GTPBP1: variants seen among roughly 807,000 people sequenced by gnomAD.
GTPBP1 encodes the protein GTP-binding protein 1.
In GTPBP1, 23 loss-of-function variants were observed where a neutral mutation model predicts 62.0. The ratio of observed to expected loss-of-function variants is 0.37; its 90% CI spans 0.27 to 0.53. The LOEUF is 0.53. Among genes scored for constraint, GTPBP1 ranks in the 20% least tolerant of loss-of-function variants. The pLI is 0.89. For synonymous variants in GTPBP1, 344 were observed against 364.4 expected (o/e 0.94, Z 0.64); for missense variants, 640 against 917.3 (o/e 0.70, Z 3.90).
chr22:38,737,405 A>G (rs138704), downstream of GTPBP1, among the ~76,000 whole-genome samples: 53,734 of 150,814 alleles, frequency 0.36, 10,099 homozygotes, highest in African/African-American at 0.48. The surrounding 1 kb of genome is among the most constrained non-coding windows in gnomAD (Gnocchi z 4.1). Context: ...CCTCTCCCCC[A>G]CCTATCCTGT....
chr22:38,739,478 CT>C (rs2092835897), downstream of GTPBP1: 4 of 1,595,706 alleles, frequency 2.5e-6, no homozygotes, highest in Non-Finnish European at 3.4e-6. The surrounding 1 kb of genome is among the most constrained non-coding windows in gnomAD (Gnocchi z 6.7). Context: ...ACGTGTCCCC[CT>C]GTCACCTCGT....
At chr22:38,742,185 G>T, downstream of GTPBP1, 1 of 1,325,026 alleles carries the variant, frequency 7.5e-7, no homozygotes. Context: ...GGGAGTAACT[G>T]CAAAATGGCA....
chr22:38,735,561 C>T (rs146613660), downstream of GTPBP1: 645 of 230,028 alleles, frequency 2.8e-3, 5 homozygotes, highest in African/African-American at 0.014. Context: ...AAGCAACTAC[C>T]GTCCCCAGCA....
downstream of GTPBP1, chr22:38,739,337 C>T (rs373767572): frequency 6.8e-6 from 11 of 1,612,906 alleles, no homozygotes; most frequent in East Asian, 6.7e-5. The surrounding 1 kb of genome is among the most constrained non-coding windows in gnomAD (Gnocchi z 6.7). Context: ...AAGCAGAGCA[C>T]GTACCTCCTG....
intron 2 of GTPBP1, among the ~76,000 whole-genome samples, chr22:38,714,050 G>A (rs1483211169): frequency 1.3e-5 from 2 of 152,216 alleles, no homozygotes; most frequent in East Asian, 1.9e-4. Context: ...GGGACGGGGT[G>A]GGGAGGCACA....
chr22:38,724,251 A>C (rs747823867), intron 5 of GTPBP1, 46 bp from the exon 6 acceptor site: 1 of 1,150,506 alleles, frequency 8.7e-7, no homozygotes, highest in Admixed American at 1.7e-5. Flanking sequence ...GCCTGGCCAA[A>C]GAGAAGGCTG....
chr22:38,736,213 G>T, downstream of GTPBP1: 1 of 1,505,578 alleles, frequency 6.6e-7, no homozygotes, highest in Non-Finnish European at 9.2e-7. Flanking sequence ...GGGAAGCGGC[G>T]GGGTGCTGTT....
downstream of GTPBP1, chr22:38,739,477 C>A: frequency 6.3e-7 from 1 of 1,593,842 alleles, no homozygotes; most frequent in East Asian, 2.2e-5. The surrounding 1 kb of genome is among the most constrained non-coding windows in gnomAD (Gnocchi z 6.7). Flanking sequence ...GACGTGTCCC[C>A]CTGTCACCTC....
At chr22:38,711,106 C>T (rs1045296643) in intron 2 of GTPBP1, among the ~76,000 whole-genome samples, 11 of 152,190 alleles carry the variant, frequency 7.2e-5, no homozygotes, top group African/African-American at 1.9e-4. Flanking sequence ...CCCAGATACA[C>T]GGCCCCAAGG....
chr22:38,716,442 C>G lies in GTPBP1; in HGVS notation c.486-210C>G, dbSNP rs1450120814. ...GCTAGTGGGAGTTAAGGGAGATAGC[C>G]GCTGTGGGAGTCTGGGCCCTTCTGA... On this transcript the variant is annotated intron_variant, in intron 3 of 11. Coordinates refer to ENST00000216044, the MANE Select transcript of GTPBP1 (RefSeq NM_004286.5). The surrounding 1 kb of genome is among the most constrained non-coding windows in gnomAD (Gnocchi z 5.2). 1.3e-5 allele frequency among the ~76,000 whole-genome samples: 2 copies of G among 152,118 alleles called. No individual in the cohort carries two copies. The highest frequency in any genetic ancestry group is 2.9e-5 in the Non-Finnish European group (2 of 68,014).
At chr22:38,739,647 C>T, downstream of GTPBP1, 1 of 1,518,516 alleles carries the variant, frequency 6.6e-7, no homozygotes. The surrounding 1 kb of genome is among the most constrained non-coding windows in gnomAD (Gnocchi z 6.7). Flanking sequence ...AGGGAGCTGG[C>T]AGTGTGGGAC....
intron 2 of GTPBP1, among the ~76,000 whole-genome samples, chr22:38,713,684 G>C (rs879624679): frequency 1.3e-5 from 2 of 152,198 alleles, no homozygotes; most frequent in Non-Finnish European, 2.9e-5. Flanking sequence ...CAAGCTCTGA[G>C]ATCTCCCTAG....
rs553055845 is a variant in GTPBP1, at chr22:38,727,423, G to A, written c.1537+75G>A. 6.5e-6 allele frequency: 9 copies of A among 1,391,556 alleles called. No homozygotes were observed. Among genetic ancestry groups the A allele is most frequent in the Non-Finnish European group, 8.7e-6 (9 of 1,039,762 alleles). 86.2% of individuals were successfully genotyped at this position (1,391,556 alleles called of 1,614,324 possible). ...CTCAGAAGGTGTTCCAGCAACCCAG[G>A]CCCCCTAGTTCCAGCTGCAGCTGGG... On this transcript the variant is annotated intron_variant, in intron 9 of 11. Coordinates refer to ENST00000216044, the MANE Select transcript of GTPBP1 (RefSeq NM_004286.5). This position sits in a 1 kb window ranked among gnomAD's most constrained non-coding sequence, Gnocchi z 6.5.
intron 4 of GTPBP1, among the ~76,000 whole-genome samples, chr22:38,721,136 A>C (rs1218323244): frequency 6.6e-6 from 1 of 152,098 alleles, no homozygotes; most frequent in Non-Finnish European, 1.5e-5. Context: ...CTGGAGTGCA[A>C]TGGCACGATC....
chr22:38,727,928 G>C lies in GTPBP1; in HGVS notation c.1538-55G>C. ...ATGCTTTCACTCACTGCCTCCCGTT[G>C]TCCTGAAGCCACCAGGTGGCTCCAG... On this transcript the variant is annotated intron_variant, in intron 9 of 11. Transcript: ENST00000216044. This position sits in a 1 kb window ranked among gnomAD's most constrained non-coding sequence, Gnocchi z 6.5. The C allele has an allele frequency of 7.6e-7, 1 of 1,309,696 alleles. No homozygotes were observed. The highest frequency in any genetic ancestry group is 1.1e-6 in the Non-Finnish European group (1 of 905,730). 81.1% of individuals were successfully genotyped at this position (1,309,696 alleles called of 1,614,324 possible). A position where few individuals can be genotyped will look rare whatever the true frequency, so the allele number is the denominator to read the frequency against.
downstream of GTPBP1, chr22:38,737,653 C>T (rs1054865426): frequency 1.5e-5 from 5 of 343,516 alleles, no homozygotes; most frequent in Non-Finnish European, 2.3e-5. This position sits in a 1 kb window ranked among gnomAD's most constrained non-coding sequence, Gnocchi z 4.1. Context: ...AGGACTCCCC[C>T]GGTGTGGGGC....
At chr22:38,722,885 C>T (rs1299197572) in intron 5 of GTPBP1, 9 of 1,340,630 alleles carry the variant, frequency 6.7e-6, no homozygotes, top group Non-Finnish European at 9.7e-6. Context: ...GGGTTTCTTC[C>T]ACGCTTCGGC....
At chr22:38,742,384 G>T (rs532267624), downstream of GTPBP1, 1 of 1,613,336 alleles carries the variant, frequency 6.2e-7, no homozygotes, top group East Asian at 2.2e-5. Context: ...AGCAGCGCCA[G>T]GGTGTCCTCG....
downstream of GTPBP1, chr22:38,737,816 C>A: frequency 2.1e-6 from 1 of 472,864 alleles, no homozygotes. The surrounding 1 kb of genome is among the most constrained non-coding windows in gnomAD (Gnocchi z 4.1). Flanking sequence ...CTGCCTGAGG[C>A]TCCAGCTGGC....
Sources: allele counts gnomAD v4.1 joint callset (sites outside exome capture counted in the v4.1 genomes callset), GRCh38; gene constraint gnomAD v4.1.1; non-coding constraint Gnocchi (gnomAD v3.1); transcripts MANE v1.5; gene names NCBI Gene and HGNC (gene_info 2026-07-23, HGNC 2026-07-21).